PPP1R9A: variants seen among roughly 807,000 people sequenced by gnomAD.
PPP1R9A encodes the protein protein phosphatase 1 regulatory subunit 9A, also known as neurabin-1.
In PPP1R9A, 59 loss-of-function variants were observed where a neutral mutation model predicts 141.9. The ratio of observed to expected loss-of-function variants is 0.42; its 90% CI spans 0.34 to 0.52. The LOEUF (loss-of-function observed/expected upper bound fraction) is 0.52. PPP1R9A is among the 20% of genes least tolerant of loss of function. PPP1R9A has a pLI of 0.10. For synonymous variants in PPP1R9A, 500 were observed against 569.7 expected, an observed-to-expected ratio of 0.88 and a Z score of 1.74; for missense variants, 1,444 against 1,611.9, an observed-to-expected ratio of 0.90 and a Z score of 1.78.
chr7:95,007,487 T>A (rs972506835), intron 2 of PPP1R9A, among the ~76,000 whole-genome samples: 4 of 152,190 alleles, frequency 2.6e-5, no homozygotes, highest in Admixed American at 6.5e-5. Context: ...CTTTTGTGTT[T>A]GTATTCTCTC....
intron 6 of PPP1R9A, among the ~76,000 whole-genome samples, chr7:95,199,536 A>C (rs1179898362): frequency 6.6e-6 from 1 of 152,226 alleles, no homozygotes; most frequent in African/African-American, 2.4e-5. Context: ...TTAAGATCTC[A>C]TGAATATGTG....
At chr7:94,970,436 AATGCCCCAACCTGCTTTGGCTC>A (rs1213185152) in intron 2 of PPP1R9A, among the ~76,000 whole-genome samples, 1 of 152,042 alleles carries the variant, frequency 6.6e-6, no homozygotes, top group Non-Finnish European at 1.5e-5. Flanking sequence ...CGGGAGAGGC[AATGCCCCAACCTGCTTTGGCTC>A]ATGCCCCACC....
intron 2 of PPP1R9A, among the ~76,000 whole-genome samples, chr7:95,070,288 T>G (rs975307540): frequency 5.3e-5 from 8 of 152,024 alleles, no homozygotes; most frequent in Non-Finnish European, 1.2e-4. Flanking sequence ...TGGAAAAATT[T>G]CTGTGTTAAT....
At chr7:95,275,401 C>A (rs1306472261) in intron 16 of PPP1R9A, among the ~76,000 whole-genome samples, 1 of 111,790 alleles carries the variant, frequency 8.9e-6, no homozygotes, top group Non-Finnish European at 1.8e-5. Flanking sequence ...GAGACTCCGT[C>A]TCAAAAAAAA....
At chr7:95,277,992 G>GAT (rs929807001) in intron 16 of PPP1R9A, among the ~76,000 whole-genome samples, 3 of 152,146 alleles carry the variant, frequency 2.0e-5, no homozygotes, top group African/African-American at 7.2e-5. Context: ...GGGGCTAGGT[G>GAT]ATAGTATGTT....
intron 4 of PPP1R9A, among the ~76,000 whole-genome samples, chr7:95,142,528 A>G (rs1004705200): frequency 1.3e-5 from 2 of 152,050 alleles, no homozygotes; most frequent in Admixed American, 6.6e-5. Flanking sequence ...TTAATTTTGT[A>G]TAAGGTGTGA....
At chr7:95,087,681 G>A (rs1294892868) in intron 2 of PPP1R9A, among the ~76,000 whole-genome samples, 3 of 152,022 alleles carry the variant, frequency 2.0e-5, no homozygotes, top group Non-Finnish European at 4.4e-5. Context: ...TAGATCACGA[G>A]GTCAGGAGTT....
In PPP1R9A at chr7:95,100,488, A is replaced by T. The variant is rs149910381; in HGVS notation, c.1396-10771A>T. On this transcript the variant is annotated intron_variant, in intron 2 of 19. Coordinates refer to ENST00000433360, the MANE Select transcript of PPP1R9A (RefSeq NM_001166160.2). ...GTAAGCAGCGTAAGTTGTGTTTTCC[A>T]GTATCTTTACCACATACTTCTGAAG... 2.6e-5 allele frequency among the ~76,000 whole-genome samples: 4 copies of T among 152,348 alleles called. No homozygotes were observed. The East Asian group carries it at 7.7e-4, about 29-fold the overall frequency.
intron 2 of PPP1R9A, among the ~76,000 whole-genome samples, chr7:94,934,865 C>CACAT (rs372194294): frequency 0.072 from 10,926 of 151,274 alleles, 519 homozygotes; most frequent in African/African-American, 0.14. Flanking sequence ...CACACACACA[C>CACAT]ATATATTTTA....
At chr7:94,933,075 T>C (rs1218860811) in intron 2 of PPP1R9A, among the ~76,000 whole-genome samples, 1 of 152,064 alleles carries the variant, frequency 6.6e-6, no homozygotes, top group Non-Finnish European at 1.5e-5. Flanking sequence ...TATATGTATA[T>C]ATATGACATA....
chr7:95,071,211 T>C (rs904079728), intron 2 of PPP1R9A, among the ~76,000 whole-genome samples: 5 of 151,972 alleles, frequency 3.3e-5, no homozygotes, highest in Non-Finnish European at 7.4e-5. Context: ...ATATTAGTGA[T>C]TTTTTAAAAA....
At chr7:95,239,773 T>A (rs1797188966) in intron 8 of PPP1R9A, among the ~76,000 whole-genome samples, 1 of 151,076 alleles carries the variant, frequency 6.6e-6, no homozygotes, top group Non-Finnish European at 1.5e-5. Flanking sequence ...AAATAAAAAT[T>A]AAAATATTAA....
intron 2 of PPP1R9A, among the ~76,000 whole-genome samples, chr7:94,975,355 T>G (rs12672944): frequency 8.1e-4 from 24 of 29,600 alleles, no homozygotes; most frequent in African/African-American, 1.5e-3. Context: ...AGTTTTTTTT[T>G]GTTTTTTTTT....
chr7:95,105,176 AAAG>A (rs1241655437), intron 2 of PPP1R9A, among the ~76,000 whole-genome samples: 1 of 152,240 alleles, frequency 6.6e-6, no homozygotes, highest in Non-Finnish European at 1.5e-5. Flanking sequence ...AATGTGTCAT[AAAG>A]AAGTGAAGGA....
In PPP1R9A at chr7:94,910,136, G is replaced by A. The variant is rs1266760295; in HGVS notation, c.23G>A (p.Gly8Asp). ...AAAATGTTGAAAACTGAGTCTTCAG[G>A]TGAACGAACCACTCTCAGAAGTGCC... The part of the protein sequence containing the change: MLKTESS[G>D]ERTTLRSASP... The change falls in exon 2 of 20, where the codon GGT becomes GAT. Residue 8 changes from glycine (G) to aspartate (D), a missense_variant. Coordinates refer to ENST00000433360, the MANE Select transcript of PPP1R9A (RefSeq NM_001166160.2). The surrounding 1 kb of genome is among the most constrained non-coding windows in gnomAD (Gnocchi z 4.5). The A allele has an allele frequency of 6.2e-7, 1 of 1,611,396 alleles. No homozygotes were observed. Among genetic ancestry groups the A allele is most frequent in the South Asian group, 1.1e-5 (1 of 90,984 alleles).
intron 17 of PPP1R9A, among the ~76,000 whole-genome samples, chr7:95,285,492 A>AT (rs2115813042): frequency 6.6e-6 from 1 of 152,202 alleles, no homozygotes; most frequent in South Asian, 2.1e-4. Flanking sequence ...TTGTTGTTTG[A>AT]TTTTCATATC....
At chr7:95,116,096 C>T (rs1354100059) in intron 3 of PPP1R9A, among the ~76,000 whole-genome samples, 2 of 151,956 alleles carry the variant, frequency 1.3e-5, no homozygotes, top group African/African-American at 4.8e-5. Flanking sequence ...TAACATTTAC[C>T]ACTTTAAAGA....
At chr7:95,041,536 T>C (rs1809240324) in intron 2 of PPP1R9A, among the ~76,000 whole-genome samples, 1 of 152,140 alleles carries the variant, frequency 6.6e-6, no homozygotes, top group South Asian at 2.1e-4. Flanking sequence ...AGCTTTTCTA[T>C]AGCCTCCCTA....
At chr7:95,110,345 T>C (rs1304330561) in intron 2 of PPP1R9A, among the ~76,000 whole-genome samples, 1 of 152,202 alleles carries the variant, frequency 6.6e-6, no homozygotes, top group Non-Finnish European at 1.5e-5. Context: ...TTTTAAAATC[T>C]AATCCTAGAT....
Sources: gnomAD v4.1 joint callset for allele counts (sites outside exome capture counted in the v4.1 genomes callset) on GRCh38, gnomAD v4.1.1 for gene constraint, Gnocchi (gnomAD v3.1) non-coding constraint, MANE v1.5 for transcripts, NCBI Gene and HGNC (gene_info 2026-07-23, HGNC 2026-07-21) for gene names.